Variants in USP25 observed in about 807,000 individuals in gnomAD.
USP25 encodes ubiquitin carboxyl-terminal hydrolase 25.
A neutral mutation model predicts 158.5 loss-of-function variants in USP25; 85 were observed. That is an observed-to-expected ratio of 0.54 (90% CI 0.45 to 0.64). The LOEUF is 0.64. Ranked by LOEUF, USP25 falls within the 30% of genes least tolerant of loss-of-function variation. The probability of loss-of-function intolerance (pLI) is 0.00; values close to 1 mark genes in which losing one functional copy is unlikely to be tolerated. For synonymous variants in USP25, 464 were observed against 460.4 expected, an observed-to-expected ratio of 1.01 and a Z score of -0.10; for missense variants, 1,242 against 1,327.3, an observed-to-expected ratio of 0.94 and a Z score of 1.00.
chr21:15,805,156 G>A lies in USP25; in HGVS notation c.678G>A (p.Arg226=), dbSNP rs538202668. The change falls in exon 7 of 26, where the codon AGG becomes AGA. Residue 226 remains arginine (R), a synonymous_variant. Transcript: ENST00000400183. Reference sequence around the variant, plus strand: ...ATTTGCCTTTTATGCGTGAGCTGAGGTATCTATTTGCACTTCTTGTTGGTA... The same window carrying A: ...ATTTGCCTTTTATGCGTGAGCTGAGATATCTATTTGCACTTCTTGTTGGTA... The part of the protein sequence containing the change: ...HRNLPFMREL[R]YLFALLVGTK... 2 of 1,603,700 alleles carry A rather than the reference G, an allele frequency of 1.2e-6. No homozygotes were observed. Among genetic ancestry groups the A allele is most frequent in the South Asian group, 1.1e-5 (1 of 89,238 alleles).
At chr21:15,788,992 G>C (rs2035446663) in intron 4 of USP25, among the ~76,000 whole-genome samples, 1 of 151,950 alleles carries the variant, frequency 6.6e-6, no homozygotes, top group Non-Finnish European at 1.5e-5. Flanking sequence ...ATGTTGTCTT[G>C]GTTCGTATCC....
intron 4 of USP25, among the ~76,000 whole-genome samples, chr21:15,789,697 C>A (rs1241571390): frequency 1.3e-5 from 2 of 151,936 alleles, no homozygotes; most frequent in Non-Finnish European, 2.9e-5. Context: ...ATCTGCCTTT[C>A]CCAGAACTTA....
At chr21:15,859,567 A>G (rs1048864562) in intron 20 of USP25, among the ~76,000 whole-genome samples, 1 of 152,136 alleles carries the variant, frequency 6.6e-6, no homozygotes, top group Non-Finnish European at 1.5e-5. Flanking sequence ...AAGATTTGAC[A>G]TAACAGCCCA....
intron 4 of USP25, among the ~76,000 whole-genome samples, chr21:15,784,236 A>G (rs1225007616): frequency 1.3e-5 from 2 of 152,232 alleles, no homozygotes; most frequent in African/African-American, 4.8e-5. Flanking sequence ...TAAAAATGTC[A>G]GAAATATCAA....
chr21:15,866,719 C>CTACT, intron 22 of USP25, among the ~76,000 whole-genome samples: 1 of 152,172 alleles, frequency 6.6e-6, no homozygotes, highest in East Asian at 1.9e-4. Context: ...TATCAAGACC[C>CTACT]TACTATATGC....
At chr21:15,773,438 A>AT (rs75161711) in intron 3 of USP25, 20,612 of 151,662 alleles carry the variant, frequency 0.14, 1,682 homozygotes, top group Non-Finnish European at 0.18. Context: ...CACAATGATT[A>AT]TTGCCATGCA....
chr21:15,837,469 A>T (rs2038112086), intron 17 of USP25, among the ~76,000 whole-genome samples: 1 of 152,188 alleles, frequency 6.6e-6, no homozygotes, highest in Non-Finnish European at 1.5e-5. Flanking sequence ...ACCCTACCTA[A>T]GGCCACTTAA....
intron 20 of USP25, among the ~76,000 whole-genome samples, chr21:15,861,433 A>G (rs1295125968): frequency 2.6e-5 from 4 of 152,198 alleles, no homozygotes; most frequent in Admixed American, 2.6e-4. Context: ...ATTTCATTGC[A>G]GTGTCTGTGA....
At chr21:15,763,716 A>T (rs546940481) in intron 2 of USP25, among the ~76,000 whole-genome samples, 2 of 152,194 alleles carry the variant, frequency 1.3e-5, no homozygotes, top group African/African-American at 4.8e-5. Flanking sequence ...TTTCAAGCCT[A>T]GAGTTCTTTA....
chr21:15,818,419 A>C (rs562099075), intron 9 of USP25, among the ~76,000 whole-genome samples: 1 of 152,308 alleles, frequency 6.6e-6, no homozygotes, highest in South Asian at 2.1e-4. Flanking sequence ...AGTGTTCAGT[A>C]CAGTATCTTG....
At chr21:15,830,625 A>G (rs760559532) in intron 15 of USP25, 24 bp downstream of exon 15, 1 of 1,496,056 alleles carries the variant, frequency 6.7e-7, no homozygotes, top group South Asian at 1.3e-5. Flanking sequence ...TGAGCTAGTA[A>G]TCATTGTCAA....
intron 20 of USP25, among the ~76,000 whole-genome samples, chr21:15,860,639 G>A (rs1376582316): frequency 6.6e-6 from 1 of 151,920 alleles, no homozygotes; most frequent in Non-Finnish European, 1.5e-5. Flanking sequence ...AAAGAATATG[G>A]CCAATATTAT....
intron 1 of USP25, among the ~76,000 whole-genome samples, chr21:15,755,811 A>G (rs1024482855): frequency 6.6e-6 from 1 of 152,202 alleles, no homozygotes; most frequent in Admixed American, 6.5e-5. Context: ...CAAAAAAAAT[A>G]TGAGGCTCTA....
intron 17 of USP25, among the ~76,000 whole-genome samples, chr21:15,834,177 A>G (rs1234557667): frequency 1.3e-5 from 2 of 152,254 alleles, no homozygotes; most frequent in African/African-American, 4.8e-5. Flanking sequence ...TCTGAAATGA[A>G]CTATTAGCTG....
intron 1 of USP25, among the ~76,000 whole-genome samples, chr21:15,755,909 T>G (rs1435268207): frequency 6.6e-6 from 1 of 152,080 alleles, no homozygotes; most frequent in African/African-American, 2.4e-5. Context: ...GAGTAAATGA[T>G]TTCAAGGGGA....
At chr21:15,869,350 T>C (rs987552510) in intron 22 of USP25, among the ~76,000 whole-genome samples, 1 of 152,194 alleles carries the variant, frequency 6.6e-6, no homozygotes, top group Non-Finnish European at 1.5e-5. Flanking sequence ...TTAACACTTT[T>C]GTTATCAGTA....
rs766160327 is a variant in USP25 at position 15,826,362 on chromosome 21, C to T, written c.1463C>T (p.Pro488Leu). ...PSGSIPSQTL[P>L]STTEQQGALS... ...GGTTCCATACCATCACAGACATTAC[C>T]AAGGTAAAAAGTAATCCTGATGCAA... Residue 488 changes from proline (P) to leucine (L), a missense_variant, in exon 13 of 26, where the codon CCA becomes CTA. Pro to Leu is a moderately conservative substitution (Grantham distance 98). Around this residue, in one of 3 missense-constraint regions of USP25, gnomAD observed 627 missense variants for 701.4 expected, o/e 0.89. Transcript: ENST00000400183. The surrounding 1 kb of genome is among the most constrained non-coding windows in gnomAD (Gnocchi z 4.8). 1 of 1,613,674 alleles carries T rather than the reference C, an allele frequency of 6.2e-7. No homozygotes were observed. Among genetic ancestry groups the T allele is most frequent in the Non-Finnish European group, 8.5e-7 (1 of 1,179,816 alleles).
chr21:15,787,774 G>A (rs1220026368), intron 4 of USP25, among the ~76,000 whole-genome samples: 5 of 151,382 alleles, frequency 3.3e-5, no homozygotes, highest in African/African-American at 1.2e-4. Flanking sequence ...TAAAGTGTAT[G>A]CATGTTTCTC....
chr21:15,775,804 G>A (rs886171893), intron 3 of USP25, among the ~76,000 whole-genome samples: 6 of 130,842 alleles, frequency 4.6e-5, no homozygotes, highest in Non-Finnish European at 9.1e-5. Flanking sequence ...CATTCTAATG[G>A]ATGAGGCCTA....
Sources: gnomAD v4.1 joint callset for allele counts (sites outside exome capture counted in the v4.1 genomes callset) on GRCh38, gnomAD v4.1.1 for gene constraint, gnomAD v4.1.1 regional missense constraint, Gnocchi (gnomAD v3.1) non-coding constraint, MANE v1.5 for transcripts, NCBI Gene and HGNC (gene_info 2026-07-23, HGNC 2026-07-21) for gene names.